The following CDH9 variants were observed in gnomAD, a reference collection of about 807,000 sequenced individuals.
CDH9 encodes the protein cadherin 9.
A neutral mutation model predicts 70.9 loss-of-function variants in CDH9; 28 were observed. The ratio of observed to expected loss-of-function variants is 0.40; its 90% CI spans 0.29 to 0.54. CDH9 has a LOEUF of 0.54. Among genes scored for constraint, CDH9 ranks in the 20% least tolerant of loss-of-function variants. The pLI is 0.59. For synonymous variants in CDH9, 409 were observed against 343.1 expected (o/e 1.19, Z -2.12); for missense variants, 874 against 984.4 (o/e 0.89, Z 1.50).
At chr5:27,020,323 T>C (rs1454106209) in intron 1 of CDH9, among the ~76,000 whole-genome samples, 1 of 151,730 alleles carries the variant, frequency 6.6e-6, no homozygotes, top group Admixed American at 6.6e-5. Flanking sequence ...TTTATACTTT[T>C]AGATGTGTAA....
Position 26,903,814 on chromosome 5 carries a change from T to C in CDH9, c.822A>G (p.Gln274=), listed in dbSNP as rs373715996. 117 of 1,555,930 alleles carry C rather than the reference T, an allele frequency of 7.5e-5. 1 individual carries two copies. Among genetic ancestry groups the C allele is most frequent in the Middle Eastern group, 3.3e-4 (2 of 5,988 alleles). The part of the protein sequence containing the change: ...NPPRFPQSTY[Q]FNSPESVPLG... ...GAGGTACAGACTCAGGAGAATTAAA[T>C]TGATACGTACCTATAAATTAAGTAA... The change falls in exon 6 of 12, where the codon CAA becomes CAG. Residue 274 remains glutamine, a synonymous_variant. Coordinates refer to ENST00000231021, the MANE Select transcript of CDH9 (RefSeq NM_016279.4).
intron 2 of CDH9, among the ~76,000 whole-genome samples, chr5:26,966,915 A>G (rs879406475): frequency 6.6e-6 from 1 of 151,898 alleles, no homozygotes; most frequent in Non-Finnish European, 1.5e-5. Context: ...TGCTTTAAAA[A>G]ATGTTTTTAA....
chr5:26,967,199 C>A (rs1742144810), intron 2 of CDH9, among the ~76,000 whole-genome samples: 1 of 152,138 alleles, frequency 6.6e-6, no homozygotes, highest in African/African-American at 2.4e-5. Context: ...GGTGATCCTC[C>A]TGCCTATACC....
At position 26,881,168 on chromosome 5, in the gene CDH9, T is replaced by C; in HGVS notation, c.2338A>G (p.Met780Val). The part of the protein sequence containing the change: ...WGPRFKKLAD[M>V]YGGDDSDRD ...CGGTCACTATCATCACCCCCATACATATCGGCAAGTTTTTTGAAACGAGGC... is the reference window on the plus strand; with the variant it reads ...CGGTCACTATCATCACCCCCATACACATCGGCAAGTTTTTTGAAACGAGGC... The change falls in exon 12 of 12, where the codon ATG (methionine) becomes GTG (valine). Residue 780 changes from methionine to valine, a missense_variant. By Grantham distance (21) the Met-to-Val change is conservative. Coordinates refer to ENST00000231021, the MANE Select transcript of CDH9 (RefSeq NM_016279.4). 1 of 1,612,644 alleles carries C rather than the reference T, an allele frequency of 6.2e-7. No individual in the cohort carries two copies. Among genetic ancestry groups the C allele is most frequent in the Non-Finnish European group, 8.5e-7 (1 of 1,179,206 alleles).
chr5:26,996,733 T>C (rs1370914278), intron 1 of CDH9, among the ~76,000 whole-genome samples: 3 of 151,398 alleles, frequency 2.0e-5, no homozygotes, highest in Non-Finnish European at 4.4e-5. Flanking sequence ...AACATATATA[T>C]CTATATCTCT....
intron 2 of CDH9, among the ~76,000 whole-genome samples, chr5:26,936,025 A>C (rs902742824): frequency 1.3e-5 from 2 of 152,122 alleles, no homozygotes; most frequent in Non-Finnish European, 2.9e-5. Context: ...ATACATTTTC[A>C]TTCATAAGTA....
intron 1 of CDH9, among the ~76,000 whole-genome samples, chr5:26,988,618 A>G (rs568750743): frequency 1.3e-3 from 204 of 152,148 alleles, no homozygotes; most frequent in Non-Finnish European, 2.1e-3. Context: ...TAAAATTACT[A>G]TAAAACAATC....
At chr5:26,889,759 C>T in intron 9 of CDH9, 77 bp downstream of exon 9, 3 of 834,950 alleles carry the variant, frequency 3.6e-6, no homozygotes, top group Non-Finnish European at 5.6e-6. Flanking sequence ...AGAAATCCTG[C>T]AAATAAAGTG....
rs1740452543 is a variant in CDH9, at chr5:26,881,109, T to C, written c.*27A>G. 2 of 1,562,178 alleles carry C rather than the reference T, an allele frequency of 1.3e-6. No individual in the cohort carries two copies. Among genetic ancestry groups the C allele is most frequent in the Non-Finnish European group, 1.7e-6 (2 of 1,153,696 alleles). On this transcript the variant is annotated 3_prime_UTR_variant, in exon 12 of 12. Transcript: ENST00000231021. ...CTAATAACATAGACAGTACTTCCAC[T>C]AATATTGATTAAGTCAAACAATCCT... is the stretch of plus-strand genomic sequence containing the variant.
chr5:26,958,821 A>T (rs1168598526), intron 2 of CDH9, among the ~76,000 whole-genome samples: 1 of 152,180 alleles, frequency 6.6e-6, no homozygotes, highest in East Asian at 1.9e-4. Context: ...TGACTGGACA[A>T]AAATAAGGAT....
chr5:26,937,427 T>C (rs1741578477), intron 2 of CDH9, among the ~76,000 whole-genome samples: 2 of 152,138 alleles, frequency 1.3e-5, no homozygotes. Context: ...AATGCTTTAA[T>C]AAAATATTAA....
At chr5:27,025,362 T>C (rs1008884211) in intron 1 of CDH9, among the ~76,000 whole-genome samples, 2 of 152,076 alleles carry the variant, frequency 1.3e-5, no homozygotes, top group African/African-American at 2.4e-5. Flanking sequence ...ACTGGGCTCA[T>C]CACCTAATAC....
intron 2 of CDH9, among the ~76,000 whole-genome samples, chr5:26,965,602 T>TAAA (rs1362595869): frequency 6.7e-6 from 1 of 149,282 alleles, no homozygotes; most frequent in African/African-American, 2.5e-5. Flanking sequence ...ATAATAATAA[T>TAAA]AAATATTTCT....
intron 2 of CDH9, among the ~76,000 whole-genome samples, chr5:26,920,097 T>C (rs1322212599): frequency 4.6e-5 from 7 of 152,028 alleles, no homozygotes; most frequent in Admixed American, 4.6e-4. Context: ...ATTATGGGCC[T>C]TGGCTCTTGA....
intron 1 of CDH9, among the ~76,000 whole-genome samples, chr5:27,015,320 T>C (rs1743028656): frequency 6.6e-6 from 1 of 151,818 alleles, no homozygotes; most frequent in Admixed American, 6.6e-5. Context: ...ACTTTTTTTC[T>C]ATAAGAGGAA....
At chr5:27,017,991 A>G (rs530298860) in intron 1 of CDH9, among the ~76,000 whole-genome samples, 2 of 151,926 alleles carry the variant, frequency 1.3e-5, no homozygotes, top group South Asian at 4.1e-4. Flanking sequence ...TTTATATGTG[A>G]CGGTAATATT....
At chr5:26,893,652 T>A (rs552535626) in intron 7 of CDH9, among the ~76,000 whole-genome samples, 1 of 151,860 alleles carries the variant, frequency 6.6e-6, no homozygotes, top group Admixed American at 6.6e-5. Flanking sequence ...TATAAAAATA[T>A]GTAAGAATGC....
intron 1 of CDH9, among the ~76,000 whole-genome samples, chr5:27,033,639 C>CA (rs1378919302): frequency 6.6e-6 from 1 of 150,962 alleles, no homozygotes; most frequent in Non-Finnish European, 1.5e-5. Flanking sequence ...TTAAAAAAAA[C>CA]AAAAAACAAA....
chr5:26,967,226 T>C (rs922812385), intron 2 of CDH9, among the ~76,000 whole-genome samples: 1 of 152,184 alleles, frequency 6.6e-6, no homozygotes, highest in Non-Finnish European at 1.5e-5. Context: ...AATGCTGGGA[T>C]TGCAGGCATA....
Sources: allele counts gnomAD v4.1 joint callset (sites outside exome capture counted in the v4.1 genomes callset), GRCh38; gene constraint gnomAD v4.1.1; transcripts MANE v1.5; gene names NCBI Gene and HGNC (gene_info 2026-07-23, HGNC 2026-07-21).